SPON1: variants seen among roughly 807,000 people sequenced by gnomAD.
SPON1 encodes spondin 1.
Under a neutral mutation model 111.7 loss-of-function variants are expected in SPON1, and 52 were observed. That is an observed-to-expected ratio of 0.47 (90% confidence interval 0.37 to 0.59). The LOEUF (loss-of-function observed/expected upper bound fraction) is 0.59, where lower values mean the gene tolerates loss of function less well. SPON1 is among the 20% of genes least tolerant of loss of function. The pLI is 0.00. For missense variants in SPON1, 957 were observed against 1,068.5 expected (o/e 0.90, Z 1.46); for synonymous variants, 410 against 395.8 (o/e 1.04, Z -0.43).
chr11:14,247,624 G>A (rs1160420036), intron 7 of SPON1, among the ~76,000 whole-genome samples: 1 of 152,108 alleles, frequency 6.6e-6, no homozygotes, highest in Non-Finnish European at 1.5e-5. Flanking sequence ...TGTGAGGCAC[G>A]TAGGAGGTAA....
At chr11:14,258,425 T>A (rs1053086384) in intron 11 of SPON1, among the ~76,000 whole-genome samples, 6 of 152,198 alleles carry the variant, frequency 3.9e-5, no homozygotes, top group African/African-American at 1.2e-4. Context: ...AACACCTATA[T>A]CATGATGGCT....
intron 6 of SPON1, among the ~76,000 whole-genome samples, chr11:14,139,021 ACAAAT>A (rs1847621898): frequency 1.3e-5 from 2 of 152,176 alleles, no homozygotes; most frequent in African/African-American, 4.8e-5. Context: ...TTTATAAAAA[ACAAAT>A]CAGATCATGC....
At chr11:14,044,001 A>T (rs1403665199) in intron 3 of SPON1, among the ~76,000 whole-genome samples, 2 of 152,216 alleles carry the variant, frequency 1.3e-5, no homozygotes, top group African/African-American at 2.4e-5. Flanking sequence ...GTGTACCAAG[A>T]ACTCAGCACA....
At chr11:14,063,834 C>T (rs1424984377) in intron 3 of SPON1, among the ~76,000 whole-genome samples, 1 of 152,186 alleles carries the variant, frequency 6.6e-6, no homozygotes, top group African/African-American at 2.4e-5. Context: ...TCCGTGGTTC[C>T]TTTTGAGAAC....
intron 6 of SPON1, among the ~76,000 whole-genome samples, chr11:14,142,104 T>C (rs1432236192): frequency 1.3e-5 from 2 of 152,192 alleles, no homozygotes; most frequent in African/African-American, 4.8e-5. Flanking sequence ...GAGATGAAAA[T>C]GGCGATTGTG....
At position 13,962,998 on chromosome 11, in the gene SPON1, G is replaced by C. The variant is rs782378719; in HGVS notation, c.94G>C (p.Glu32Gln). 2 of 1,595,638 alleles carry C rather than the reference G, an allele frequency of 1.3e-6. No individual in the cohort carries two copies. The highest frequency in any genetic ancestry group is 8.5e-7 in the Non-Finnish European group (1 of 1,172,652). ...PLAAALAFSD[E>Q]TLDKVPKSEG... is the part of the protein sequence containing the mutation. ...GGCCGCGGCGCTGGCCTTCTCCGAC[G>C]AGACCCTGGACAAAGTGCCCAAGTC... Residue 32 changes from glutamate to glutamine, a missense_variant, in exon 1 of 16, where the codon GAG (glutamate) becomes CAG (glutamine). By Grantham distance (29) the Glu-to-Gln change is conservative (BLOSUM62 2). This residue lies in a region of SPON1 where 262 missense variants were observed against 253.9 expected (regional missense o/e 1.03). Transcript: ENST00000576479.
intron 2 of SPON1, among the ~76,000 whole-genome samples, chr11:14,018,529 T>C (rs926576913): frequency 1.3e-5 from 2 of 152,182 alleles, no homozygotes; most frequent in Non-Finnish European, 2.9e-5. Context: ...ATCCTTCTCC[T>C]GAGGAGGTTA....
chr11:14,200,502 A>G (rs537515600), intron 6 of SPON1, among the ~76,000 whole-genome samples: 1 of 152,336 alleles, frequency 6.6e-6, no homozygotes, highest in African/African-American at 2.4e-5. Context: ...CTTTATTAAA[A>G]GATCTTTTGG....
At chr11:14,002,963 A>G (rs1246945639) in intron 2 of SPON1, among the ~76,000 whole-genome samples, 1 of 151,956 alleles carries the variant, frequency 6.6e-6, no homozygotes, top group Non-Finnish European at 1.5e-5. Flanking sequence ...ACTTCAAGAG[A>G]GTTGTGCCTA....
chr11:14,256,517 T>C (rs1591429165), intron 9 of SPON1, 100 bp from the exon 10 acceptor site: 2 of 784,558 alleles, frequency 2.5e-6, no homozygotes, highest in Middle Eastern at 2.3e-4. Flanking sequence ...ATACGATTTG[T>C]ATACAGAATG....
chr11:14,110,112 G>A (rs1849216415), intron 5 of SPON1, among the ~76,000 whole-genome samples: 1 of 152,136 alleles, frequency 6.6e-6, no homozygotes, highest in South Asian at 2.1e-4. Flanking sequence ...TATCCTACTG[G>A]CCATCCAGGG....
intron 6 of SPON1, among the ~76,000 whole-genome samples, chr11:14,241,395 G>A (rs782055517): frequency 1.2e-4 from 18 of 152,208 alleles, no homozygotes; most frequent in African/African-American, 2.9e-4. Flanking sequence ...GACAGATACC[G>A]TCAGATTTGC....
At chr11:14,252,251 T>C (rs1241596428) in intron 7 of SPON1, among the ~76,000 whole-genome samples, 1 of 152,198 alleles carries the variant, frequency 6.6e-6, no homozygotes, top group African/African-American at 2.4e-5. Context: ...GGGGTCTGGC[T>C]ATGGAGACCT....
intron 5 of SPON1, among the ~76,000 whole-genome samples, chr11:14,134,524 C>G (rs1052903834): frequency 6.6e-6 from 1 of 152,190 alleles, no homozygotes; most frequent in Non-Finnish European, 1.5e-5. Flanking sequence ...GTGGACTGGT[C>G]ACTTCCACAT....
At chr11:14,210,030 C>T (rs569066418) in intron 6 of SPON1, among the ~76,000 whole-genome samples, 4 of 152,236 alleles carry the variant, frequency 2.6e-5, no homozygotes, top group Non-Finnish European at 4.4e-5. Context: ...GGCTTTTTTT[C>T]GTATGTTTGT....
intron 6 of SPON1, among the ~76,000 whole-genome samples, chr11:14,211,658 T>A (rs1848578263): frequency 6.6e-6 from 1 of 152,200 alleles, no homozygotes; most frequent in Admixed American, 6.5e-5. Context: ...TGTAGTTTTC[T>A]AGGGGTTTAC....
intron 6 of SPON1, among the ~76,000 whole-genome samples, chr11:14,139,086 A>T (rs893629646): frequency 6.6e-6 from 1 of 152,128 alleles, no homozygotes; most frequent in African/African-American, 2.4e-5. Flanking sequence ...CCTAAGATAA[A>T]GTCCAAATTC....
intron 5 of SPON1, among the ~76,000 whole-genome samples, chr11:14,114,967 C>A (rs1849256028): frequency 1.3e-5 from 2 of 152,176 alleles, no homozygotes; most frequent in Non-Finnish European, 2.9e-5. Context: ...AAATCCCAGA[C>A]TAAAAATAGT....
chr11:14,055,908 G>A (rs897234121), intron 3 of SPON1, among the ~76,000 whole-genome samples: 10 of 152,192 alleles, frequency 6.6e-5, no homozygotes, highest in African/African-American at 2.4e-4. Context: ...CTCACACAAG[G>A]TGGGCACCAG....
Sources: allele counts gnomAD v4.1 joint callset (sites outside exome capture counted in the v4.1 genomes callset), GRCh38; gene constraint gnomAD v4.1.1; regional missense constraint gnomAD v4.1.1; transcripts MANE v1.5; gene names NCBI Gene and HGNC (gene_info 2026-07-23, HGNC 2026-07-21).